The following BEND7 variants were observed in gnomAD, a reference collection of about 807,000 sequenced individuals.
The protein encoded by BEND7 is BEN domain containing 7, also known as BEN domain-containing protein 7.
A neutral mutation model predicts 50.9 loss-of-function variants in BEND7; 28 were observed. That is an observed-to-expected ratio of 0.55 (90% CI 0.41 to 0.75). The LOEUF (loss-of-function observed/expected upper bound fraction) is 0.75. Ranked by LOEUF, BEND7 falls within the 30% of genes least tolerant of loss-of-function variation. BEND7 has a pLI of 0.00. For missense variants in BEND7, 477 were observed against 491.3 expected, an observed-to-expected ratio of 0.97 and a Z score of 0.28; for synonymous variants, 170 against 183.9, an observed-to-expected ratio of 0.92 and a Z score of 0.61.
chr10:13,453,690 G>A (rs114946345), intron 6 of BEND7, among the ~76,000 whole-genome samples: 2,306 of 152,200 alleles, frequency 0.015, 63 homozygotes, highest in African/African-American at 0.053. Context: ...TAGGAAAAAT[G>A]TTCCATTAAT....
At chr10:13,515,750 G>A (rs1206934962) in intron 2 of BEND7, among the ~76,000 whole-genome samples, 3 of 152,184 alleles carry the variant, frequency 2.0e-5, no homozygotes, top group East Asian at 1.9e-4. Flanking sequence ...ATGGACGAGG[G>A]TGGTGTGTTC....
At chr10:13,512,975 T>C (rs1187927464) in intron 2 of BEND7, among the ~76,000 whole-genome samples, 1 of 152,172 alleles carries the variant, frequency 6.6e-6, no homozygotes, top group South Asian at 2.1e-4. Context: ...TTTCTGACCA[T>C]GGTTCACAGC....
At chr10:13,440,996 G>T, downstream of BEND7, 1 of 627,668 alleles carries the variant, frequency 1.6e-6, no homozygotes, top group Non-Finnish European at 2.0e-6. Flanking sequence ...GAGATCATCA[G>T]AGTATTAATG....
chr10:13,480,782 T>C (rs997580888), intron 6 of BEND7, 117 bp downstream of exon 6: 24 of 1,516,412 alleles, frequency 1.6e-5, no homozygotes, highest in East Asian at 9.3e-5. Flanking sequence ...AATGGCTAAA[T>C]TGGCAATGGC....
chr10:13,487,717 A>C (rs186012725), intron 5 of BEND7, among the ~76,000 whole-genome samples: 34 of 152,140 alleles, frequency 2.2e-4, no homozygotes, highest in Middle Eastern at 3.4e-3. Flanking sequence ...TCAATGAGTA[A>C]ATTTAAAAAA....
At chr10:13,483,831 G>A (rs775445274) in intron 5 of BEND7, among the ~76,000 whole-genome samples, 12 of 152,186 alleles carry the variant, frequency 7.9e-5, no homozygotes, top group South Asian at 2.1e-4. Context: ...CTGGGGGTAC[G>A]GGAGGAAGGG....
At chr10:13,482,873 T>G (rs901467508) in intron 5 of BEND7, among the ~76,000 whole-genome samples, 2 of 152,232 alleles carry the variant, frequency 1.3e-5, no homozygotes, top group South Asian at 2.1e-4. Flanking sequence ...TCAATATGTC[T>G]TTGTTGAATG....
intron 6 of BEND7, among the ~76,000 whole-genome samples, chr10:13,466,140 T>C (rs184533598): frequency 6.6e-5 from 10 of 152,288 alleles, no homozygotes; most frequent in Middle Eastern, 3.4e-3. Flanking sequence ...ACACAGTTGG[T>C]ATATTTCAAT....
intron 5 of BEND7, among the ~76,000 whole-genome samples, chr10:13,492,167 G>C (rs950624422): frequency 1.3e-5 from 2 of 152,130 alleles, no homozygotes; most frequent in African/African-American, 4.8e-5. Flanking sequence ...GGTGTGGCTT[G>C]CATCTATAAA....
At chr10:13,451,945 G>C (rs574283687) in intron 7 of BEND7, among the ~76,000 whole-genome samples, 19 of 152,128 alleles carry the variant, frequency 1.2e-4, no homozygotes, top group African/African-American at 4.3e-4. Context: ...TGTCACTTTG[G>C]GGAAGCTGAG....
chr10:13,481,657 T>C (rs961654964), intron 5 of BEND7, among the ~76,000 whole-genome samples: 28 of 152,078 alleles, frequency 1.8e-4, no homozygotes, highest in African/African-American at 6.8e-4. Flanking sequence ...TGCAGAGATA[T>C]TTTTTTTCCC....
At chr10:13,478,724 T>C (rs11258408) in intron 6 of BEND7, among the ~76,000 whole-genome samples, 5,093 of 152,314 alleles carry the variant, frequency 0.033, 124 homozygotes, top group Middle Eastern at 0.058. Flanking sequence ...TATATGTCTA[T>C]GAATAAACAC....
chr10:13,510,801 G>GAC (rs891126058), intron 2 of BEND7, among the ~76,000 whole-genome samples: 1 of 151,814 alleles, frequency 6.6e-6, no homozygotes, highest in Non-Finnish European at 1.5e-5. Flanking sequence ...CTTTTTCTGT[G>GAC]ACACACACAC....
chr10:13,441,458 GGT>G lies in BEND7; in HGVS notation c.*283_*284del. ...GATCCGTTCATCGCACACATCTTTG[GGT>G]TGAACAAGCTCCACCCGTCCTCAAG... is the stretch of plus-strand genomic sequence containing the variant. On this transcript the variant is annotated 3_prime_UTR_variant, in exon 9 of 9. Coordinates refer to ENST00000466271, the MANE Select transcript of BEND7 (RefSeq NM_001369863.1). The G allele has an allele frequency of 1.7e-6, 2 of 1,143,418 alleles. No homozygotes were observed. The highest frequency in any genetic ancestry group is 1.1e-6 in the Non-Finnish European group (1 of 942,198). 70.8% of individuals were successfully genotyped at this position (1,143,418 alleles called of 1,614,324 possible). A position where few individuals can be genotyped will look rare whatever the true frequency, so the allele number is the denominator to read the frequency against.
intron 1 of BEND7, chr10:13,527,992 T>G (rs1456477015): frequency 1.3e-5 from 3 of 235,806 alleles, no homozygotes; most frequent in African/African-American, 7.0e-5. Flanking sequence ...ATGTCAACAA[T>G]TCCGCCTTGG....
chr10:13,474,941 G>A (rs2075319052), intron 6 of BEND7, among the ~76,000 whole-genome samples: 1 of 152,236 alleles, frequency 6.6e-6, no homozygotes, highest in East Asian at 1.9e-4. Flanking sequence ...AATCTCCTGT[G>A]GTTGTGTGTT....
chr10:13,521,879 T>C (rs374097743), intron 2 of BEND7, among the ~76,000 whole-genome samples: 3 of 152,310 alleles, frequency 2.0e-5, no homozygotes, highest in East Asian at 1.9e-4. Context: ...GATAACTCTC[T>C]AACTTGTAAA....
chr10:13,515,423 G>A (rs1163483176), intron 2 of BEND7, among the ~76,000 whole-genome samples: 2 of 151,958 alleles, frequency 1.3e-5, no homozygotes, highest in African/African-American at 4.8e-5. Flanking sequence ...TAAACCCCTT[G>A]GAATCTGAAT....
intron 5 of BEND7, among the ~76,000 whole-genome samples, chr10:13,483,555 G>A (rs2076013699): frequency 6.6e-6 from 1 of 152,180 alleles, no homozygotes; most frequent in Non-Finnish European, 1.5e-5. Flanking sequence ...AAGAAAGTGG[G>A]TTTGAAAGTT....
Sources: gnomAD v4.1 joint callset for allele counts (sites outside exome capture counted in the v4.1 genomes callset) on GRCh38, gnomAD v4.1.1 for gene constraint, MANE v1.5 for transcripts, NCBI Gene and HGNC (gene_info 2026-07-23, HGNC 2026-07-21) for gene names.